The following TENM4 variants were observed in gnomAD, a reference collection of about 807,000 sequenced individuals.
The protein encoded by TENM4 is teneurin-4.
TENM4 carries 82 observed loss-of-function variants against 243.3 expected under a neutral mutation model. The observed-to-expected ratio is 0.34, with a 90% CI of 0.28 to 0.40. The LOEUF is 0.40. TENM4 is among the 10% of genes least tolerant of loss of function. TENM4 has a pLI of 1.00. For missense variants in TENM4, 3,138 were observed against 3,673.3 expected, an observed-to-expected ratio of 0.85 and a Z score of 3.77; for synonymous variants, 1,412 against 1,456.3, an observed-to-expected ratio of 0.97 and a Z score of 0.69.
intron 2 of TENM4, among the ~76,000 whole-genome samples, chr11:79,296,634 G>GAACA (rs1412571834): frequency 2.0e-5 from 3 of 152,200 alleles, no homozygotes; most frequent in African/African-American, 4.8e-5. Flanking sequence ...CTACCAGGTG[G>GAACA]AACAGTCTGC....
At chr11:79,384,879 T>C (rs1590927994) in intron 1 of TENM4, among the ~76,000 whole-genome samples, 1 of 144,470 alleles carries the variant, frequency 6.9e-6, no homozygotes, top group Non-Finnish European at 1.5e-5. Flanking sequence ...TGAGCCGAGA[T>C]GGCACCACTG....
chr11:79,147,123 C>G (rs1007735589), intron 4 of TENM4, among the ~76,000 whole-genome samples: 2 of 152,142 alleles, frequency 1.3e-5, no homozygotes, highest in African/African-American at 2.4e-5. Context: ...TGAGTTCCCC[C>G]CTTTCTTCTG....
chr11:79,288,550 A>T (rs1373438139), intron 2 of TENM4, among the ~76,000 whole-genome samples: 1 of 152,238 alleles, frequency 6.6e-6, no homozygotes, highest in Non-Finnish European at 1.5e-5. Context: ...CATCCCAACA[A>T]ATATTTCAAA....
intron 1 of TENM4, among the ~76,000 whole-genome samples, chr11:79,399,571 C>A (rs921381599): frequency 6.6e-6 from 1 of 152,128 alleles, no homozygotes; most frequent in African/African-American, 2.4e-5. Context: ...GCAAGGCTCC[C>A]TTATAATACA....
chr11:79,238,509 A>T (rs1864522264), intron 2 of TENM4, among the ~76,000 whole-genome samples: 1 of 151,866 alleles, frequency 6.6e-6, no homozygotes, highest in Admixed American at 6.6e-5. Context: ...GAGCCTTTTG[A>T]CTCAAACTGG....
At chr11:79,097,308 T>C (rs145429789) in intron 4 of TENM4, 143 of 152,360 alleles carry the variant, frequency 9.4e-4, no homozygotes, top group African/African-American at 3.2e-3. Flanking sequence ...TTTTCTATTC[T>C]TTGGGTAAGT....
In TENM4 at chr11:79,301,065, C is replaced by T. The variant is rs541025925; in HGVS notation, c.-320-3522G>A. On this transcript the variant is annotated intron_variant, in intron 1 of 33. Transcript: ENST00000278550. The stretch of plus-strand genomic sequence containing the variant: ...TGCCCTCATTCATGACACCATCATC[C>T]CTCTGGGGGACTTCTGCAGTGGCCT... Among the ~76,000 whole-genome samples, 36 of 152,316 alleles carry T rather than the reference C, an allele frequency of 2.4e-4. 1 individual carries two copies. In the South Asian group the frequency reaches 7.2e-3, roughly 31 times the overall value.
chr11:79,282,021 C>T (rs1390223001), intron 2 of TENM4, among the ~76,000 whole-genome samples: 2 of 152,212 alleles, frequency 1.3e-5, no homozygotes, highest in African/African-American at 2.4e-5. Context: ...TTCATGATTC[C>T]ATGTGGATCA....
At chr11:78,972,757 A>G (rs1034784558) in intron 6 of TENM4, among the ~76,000 whole-genome samples, 2 of 152,204 alleles carry the variant, frequency 1.3e-5, no homozygotes, top group South Asian at 2.1e-4. Context: ...GAGTATTGCA[A>G]CCATCACCAC....
intron 1 of TENM4, among the ~76,000 whole-genome samples, chr11:79,346,412 A>T (rs1590896881): frequency 6.6e-6 from 1 of 152,278 alleles, no homozygotes; most frequent in East Asian, 1.9e-4. Flanking sequence ...GCTGTCTGGC[A>T]CACCGTAGGC....
At chr11:78,889,636 C>T in intron 9 of TENM4, 149 bp downstream of exon 9, 1 of 809,506 alleles carries the variant, frequency 1.2e-6, no homozygotes, top group Non-Finnish European at 2.0e-6. Context: ...GTCAGGGGTG[C>T]AGACTGTCCA....
At chr11:79,417,237 T>C (rs1480665479) in intron 1 of TENM4, among the ~76,000 whole-genome samples, 1 of 152,216 alleles carries the variant, frequency 6.6e-6, no homozygotes, top group Non-Finnish European at 1.5e-5. Flanking sequence ...AGAGTTTCCT[T>C]TAGCCCAGAG....
intron 18 of TENM4, among the ~76,000 whole-genome samples, chr11:78,759,557 C>G (rs962764483): frequency 6.6e-6 from 1 of 152,184 alleles, no homozygotes; most frequent in Non-Finnish European, 1.5e-5. Flanking sequence ...TATAAACATT[C>G]AGCTCTGTGG....
intron 12 of TENM4, among the ~76,000 whole-genome samples, chr11:78,820,704 A>G (rs1857707593): frequency 1.3e-5 from 2 of 152,374 alleles, no homozygotes; most frequent in South Asian, 4.1e-4. Context: ...ACATAGGCAC[A>G]CAAGACACAT....
intron 3 of TENM4, among the ~76,000 whole-genome samples, chr11:79,203,948 G>T (rs144102697): frequency 1.3e-5 from 2 of 152,184 alleles, no homozygotes; most frequent in African/African-American, 4.8e-5. Context: ...TTGAAAACAC[G>T]CTAAGTGAAA....
intron 27 of TENM4, among the ~76,000 whole-genome samples, chr11:78,704,034 T>TATACAC (rs1325650258): frequency 3.7e-4 from 51 of 138,268 alleles, no homozygotes; most frequent in African/African-American, 1.4e-3. Context: ...CATATATATA[T>TATACAC]ACACACACAC....
At chr11:79,158,453 C>A (rs1324578898) in intron 3 of TENM4, among the ~76,000 whole-genome samples, 4 of 152,180 alleles carry the variant, frequency 2.6e-5, no homozygotes, top group Admixed American at 6.5e-5. Flanking sequence ...CCCTGAGAAG[C>A]CTCCAGGTCC....
At chr11:78,899,326 C>A (rs1453674471) in intron 7 of TENM4, among the ~76,000 whole-genome samples, 2 of 152,084 alleles carry the variant, frequency 1.3e-5, no homozygotes, top group Non-Finnish European at 2.9e-5. Flanking sequence ...GGCACGGTAA[C>A]TCACACCTGT....
intron 17 of TENM4, 92 bp downstream of exon 17, chr11:78,778,510 A>G: frequency 7.5e-7 from 1 of 1,330,726 alleles, no homozygotes; most frequent in Non-Finnish European, 1.1e-6. Flanking sequence ...TATGTGGTGT[A>G]TATACATTTT....
Sources: allele counts gnomAD v4.1 joint callset (sites outside exome capture counted in the v4.1 genomes callset), GRCh38; gene constraint gnomAD v4.1.1; transcripts MANE v1.5; gene names NCBI Gene and HGNC (gene_info 2026-07-23, HGNC 2026-07-21).